The following PIK3C2A variants were observed in gnomAD, a reference collection of about 807,000 sequenced individuals.
PIK3C2A encodes phosphatidylinositol 4-phosphate 3-kinase C2 domain-containing subunit alpha.
PIK3C2A carries 97 observed loss-of-function variants against 204.5 expected under a neutral mutation model. The ratio of observed to expected loss-of-function variants is 0.47; its 90% CI spans 0.40 to 0.56. PIK3C2A has a LOEUF of 0.56. Ranked by LOEUF, PIK3C2A falls within the 20% of genes least tolerant of loss-of-function variation. The pLI is 0.00. For synonymous variants in PIK3C2A, 653 were observed against 664.4 expected (o/e 0.98, Z 0.26); for missense variants, 1,735 against 1,969.2 (o/e 0.88, Z 2.25).
chr11:17,176,805 C>A (rs1201578310), intron 1 of PIK3C2A, among the ~76,000 whole-genome samples: 3 of 151,950 alleles, frequency 2.0e-5, no homozygotes, highest in Non-Finnish European at 2.9e-5. Flanking sequence ...AAACAAAAAC[C>A]AAACAAAAAT....
chr11:17,125,073 T>C (rs1404195273), intron 13 of PIK3C2A, among the ~76,000 whole-genome samples: 2 of 152,240 alleles, frequency 1.3e-5, no homozygotes, highest in African/African-American at 4.8e-5. Context: ...GATGTTACTA[T>C]TGATCAGTTT....
Position 17,086,686 on chromosome 11 carries a change from C to A in PIK3C2A, c.*3052G>T, listed in dbSNP as rs1848172866. On this transcript the variant is annotated 3_prime_UTR_variant, in exon 33 of 33. Transcript: ENST00000691414. ...AATATTATACATCTTTATTCACTAT[C>A]TTAATATAATTAAAGTATTTGGTTC... 6.6e-6 allele frequency: 1 copy of A among 152,106 alleles called. No homozygotes were observed. Among genetic ancestry groups the A allele is most frequent in the South Asian group, 2.1e-4 (1 of 4,824 alleles). 9.4% of individuals were successfully genotyped at this position (152,106 alleles called of 1,614,324 possible). A position where few individuals can be genotyped will look rare whatever the true frequency, so the allele number is the denominator to read the frequency against.
At chr11:17,145,774 C>T (rs1165691758) in intron 7 of PIK3C2A, 43 bp from the exon 8 acceptor site, 14 of 1,555,428 alleles carry the variant, frequency 9.0e-6, no homozygotes, top group Non-Finnish European at 1.2e-5. Context: ...ATGCTACACA[C>T]AAAATGATTG....
chr11:17,162,271 G>A (rs1385094647), intron 2 of PIK3C2A, among the ~76,000 whole-genome samples: 8 of 151,540 alleles, frequency 5.3e-5, no homozygotes, highest in South Asian at 2.1e-4. Flanking sequence ...AACCCGAGAC[G>A]TGGAGGTTGC....
chr11:17,108,272 T>C (rs537272286), intron 22 of PIK3C2A, among the ~76,000 whole-genome samples: 3 of 152,314 alleles, frequency 2.0e-5, no homozygotes, highest in East Asian at 1.9e-4. Flanking sequence ...ACAAAGTTAA[T>C]AGCTAACGTC....
At chr11:17,206,900 G>C (rs2137600565) in intron 1 of PIK3C2A, among the ~76,000 whole-genome samples, 1 of 152,254 alleles carries the variant, frequency 6.6e-6, no homozygotes, top group Admixed American at 6.5e-5. Flanking sequence ...AACTAATCTT[G>C]TTCAAAGAGG....
intron 2 of PIK3C2A, among the ~76,000 whole-genome samples, chr11:17,168,275 TA>T (rs1851036321): frequency 6.6e-6 from 1 of 152,038 alleles, no homozygotes; most frequent in Admixed American, 6.5e-5. Context: ...AAGTGAAAAA[TA>T]TTTTTTTTTC....
Position 17,101,312 on chromosome 11 carries a change from T to C in PIK3C2A, c.3974A>G (p.Lys1325Arg), listed in dbSNP as rs780649113. 6 of 1,567,108 alleles carry C rather than the reference T, an allele frequency of 3.8e-6. No individual in the cohort carries two copies. The highest frequency in any genetic ancestry group is 5.2e-6 in the Non-Finnish European group (6 of 1,147,694). Reference sequence around the variant, plus strand: ...GAGGTTAAGAAAAAGGTTTGTCTGCTTTCTTATCAAGTTGTAGGCCTGACA... The same window carrying C: ...GAGGTTAAGAAAAAGGTTTGTCTGCCTTCTTATCAAGTTGTAGGCCTGACA... The part of the protein sequence containing the change: ...LCCQAYNLIR[K>R]QTNLFLNLLS... Residue 1325 changes from lysine to arginine, a missense_variant, in exon 25 of 33, where the codon AAG becomes AGG. This residue lies in a region of PIK3C2A where 503 missense variants were observed against 669.0 expected (regional missense o/e 0.75). Coordinates refer to ENST00000691414, the MANE Select transcript of PIK3C2A (RefSeq NM_002645.4).
At chr11:17,111,884 A>C (rs1849013675) in intron 21 of PIK3C2A, among the ~76,000 whole-genome samples, 1 of 146,900 alleles carries the variant, frequency 6.8e-6, no homozygotes, top group African/African-American at 2.5e-5. Flanking sequence ...CTCCAAAACA[A>C]AAAAAAAAAA....
intron 12 of PIK3C2A, among the ~76,000 whole-genome samples, chr11:17,131,623 G>A (rs1038998983): frequency 3.3e-5 from 5 of 151,888 alleles, no homozygotes; most frequent in East Asian, 1.9e-4. Flanking sequence ...GGGTTTCACC[G>A]TGTTAACCAG....
intron 2 of PIK3C2A, among the ~76,000 whole-genome samples, chr11:17,156,008 C>T (rs986204778): frequency 6.6e-6 from 1 of 152,136 alleles, no homozygotes; most frequent in Non-Finnish European, 1.5e-5. Context: ...CTCTTCTAAT[C>T]AGCCAGAAAT....
chr11:17,094,072 A>T (rs552042585), intron 28 of PIK3C2A, among the ~76,000 whole-genome samples, 189 bp downstream of exon 28: 42 of 152,356 alleles, frequency 2.8e-4, no homozygotes, highest in Non-Finnish European at 4.4e-4. Flanking sequence ...CCGATCATTT[A>T]TTCATTCAAC....
At chr11:17,090,968 A>G (rs980570287) in intron 32 of PIK3C2A, among the ~76,000 whole-genome samples, 7 of 151,722 alleles carry the variant, frequency 4.6e-5, no homozygotes, top group African/African-American at 1.7e-4. Context: ...GCTGGTCTCA[A>G]ACTCCTGAGC....
intron 26 of PIK3C2A, 147 bp downstream of exon 26, chr11:17,099,713 T>C (rs1443789949): frequency 8.5e-6 from 4 of 472,188 alleles, no homozygotes; most frequent in African/African-American, 7.9e-5. Flanking sequence ...AAATCAACTT[T>C]TGACAGCCTA....
intron 26 of PIK3C2A, among the ~76,000 whole-genome samples, chr11:17,098,026 A>G (rs1848502925): frequency 1.3e-5 from 2 of 152,332 alleles, no homozygotes; most frequent in South Asian, 4.1e-4. Flanking sequence ...AGGTAATCAT[A>G]TTTTCATTCA....
At chr11:17,130,915 G>T (rs554738544) in intron 12 of PIK3C2A, among the ~76,000 whole-genome samples, 3 of 146,432 alleles carry the variant, frequency 2.0e-5, no homozygotes, top group Non-Finnish European at 4.5e-5. Flanking sequence ...GGCTAGACGC[G>T]GTGGCTCACG....
intron 8 of PIK3C2A, among the ~76,000 whole-genome samples, chr11:17,144,309 T>C (rs1179089829): frequency 1.3e-5 from 2 of 152,198 alleles, no homozygotes; most frequent in Non-Finnish European, 2.9e-5. Flanking sequence ...TTCCTTGATT[T>C]CCATAACTGC....
rs567728509 is a variant in PIK3C2A, at chr11:17,123,527, C to T, written c.2400-714G>A. On this transcript the variant is annotated intron_variant, in intron 13 of 32. Transcript: ENST00000691414. ...TGCCTGTCTCAGCCTCCCAAAGTGCCGGGATTACAGGCATGAGCCACCGCA... is the reference window on the plus strand; with the variant it reads ...TGCCTGTCTCAGCCTCCCAAAGTGCTGGGATTACAGGCATGAGCCACCGCA... Among the ~76,000 whole-genome samples the T allele has an allele frequency of 4.0e-5, 6 of 151,096 alleles. No individual in the cohort carries two copies. In the East Asian group the frequency reaches 5.9e-4, roughly 15 times the overall value.
At chr11:17,093,560 G>A (rs752175546) in intron 28 of PIK3C2A, among the ~76,000 whole-genome samples, 7 of 151,728 alleles carry the variant, frequency 4.6e-5, no homozygotes, top group Non-Finnish European at 5.9e-5. Flanking sequence ...CACCGCGCCC[G>A]GCCATGCTTC....
Sources: gnomAD v4.1 joint callset for allele counts (sites outside exome capture counted in the v4.1 genomes callset) on GRCh38, gnomAD v4.1.1 for gene constraint, gnomAD v4.1.1 regional missense constraint, MANE v1.5 for transcripts, NCBI Gene and HGNC (gene_info 2026-07-23, HGNC 2026-07-21) for gene names.